ITGAX: variants seen among roughly 807,000 people sequenced by gnomAD.
The protein encoded by ITGAX is integrin alpha-X.
ITGAX carries 99 observed loss-of-function variants against 140.2 expected under a neutral mutation model. The observed-to-expected ratio is 0.71, with a 90% CI of 0.60 to 0.83. ITGAX has a LOEUF of 0.83. ITGAX is among the 40% of genes least tolerant of loss of function. The pLI, the probability that ITGAX is intolerant of heterozygous loss-of-function variation, is 0.00. For synonymous variants in ITGAX, 631 were observed against 600.4 expected (o/e 1.05, Z -0.75); for missense variants, 1,444 against 1,482.0 (o/e 0.97, Z 0.42).
At position 31,372,471 on chromosome 16, in the gene ITGAX, A is replaced by G. The variant is rs1181572709; in HGVS notation, c.2254A>G (p.Met752Val). Reference sequence around the variant, plus strand: ...CCTTGCCTTCAGAAACCTGCGGCCTATGCTGGCCGCCGATGCTCAGAGATA... The same window carrying G: ...CCTTGCCTTCAGAAACCTGCGGCCTGTGCTGGCCGCCGATGCTCAGAGATA... Reference protein sequence around the residue: ...PLLAFRNLRPMLAADAQRYFT... With the variant: ...PLLAFRNLRPVLAADAQRYFT... The change falls in exon 18 of 30, where the codon ATG becomes GTG. Residue 752 changes from methionine to valine, a missense_variant. Transcript: ENST00000268296. 12 of 1,607,922 alleles carry G rather than the reference A, an allele frequency of 7.5e-6. No homozygotes were observed. Among genetic ancestry groups the G allele is most frequent in the East Asian group, 2.2e-5 (1 of 44,842 alleles).
At chr16:31,375,507 G>A (rs1342299410) in intron 20 of ITGAX, among the ~76,000 whole-genome samples, 1 of 152,168 alleles carries the variant, frequency 6.6e-6, no homozygotes, top group African/African-American at 2.4e-5. Flanking sequence ...TATAGCAGCA[G>A]GGAACAGACA....
At chr16:31,379,930 G>A (rs188569620) in intron 25 of ITGAX, 52 bp from the exon 26 acceptor site, 41 of 1,608,458 alleles carry the variant, frequency 2.5e-5, no homozygotes, top group Non-Finnish European at 3.4e-5. Flanking sequence ...TGTGCCCCAT[G>A]TGGGTCCCTG....
Position 31,372,662 on chromosome 16 carries a change from C to T in ITGAX, c.2358C>T (p.Ser786=). Residue 786 remains serine (S), a synonymous_variant, in exon 19 of 30, where the codon AGC becomes AGT. Transcript: ENST00000268296. ...AGGACAATCTCGGCATCTCCTTCAG[C>T]TTCCCAGGGTGAGCGCCCCCACCTT... ...ICQDNLGISF[S]FPGLKSLLVG... is the part of the protein sequence containing the mutation. 1 of 1,613,990 alleles carries T rather than the reference C, an allele frequency of 6.2e-7. No homozygotes were observed. Among genetic ancestry groups the T allele is most frequent in the Non-Finnish European group, 8.5e-7 (1 of 1,179,886 alleles).
intron 28 of ITGAX, 51 bp downstream of exon 28, chr16:31,380,675 G>A: frequency 6.2e-7 from 1 of 1,606,372 alleles, no homozygotes; most frequent in South Asian, 1.1e-5. Flanking sequence ...GGCCCCTAGG[G>A]CTACATCTGT....
chr16:31,374,505 T>C (rs2081001641), intron 20 of ITGAX, among the ~76,000 whole-genome samples: 1 of 152,152 alleles, frequency 6.6e-6, no homozygotes, highest in Non-Finnish European at 1.5e-5. Context: ...AGTGGCACAA[T>C]TTCAGCTTAC....
Position 31,373,291 on chromosome 16 carries a change from A to G in ITGAX, c.2409A>G (p.Ala803=), listed in dbSNP as rs1459379926. Residue 803 remains alanine (A), a synonymous_variant, in exon 20 of 30, where the codon GCA becomes GCG. Transcript: ENST00000268296. ...TGGGGAGTAACCTGGAGCTGAACGCAGAAGTGATGGTGTGGAATGACGGGG... is the reference window on the plus strand; with the variant it reads ...TGGGGAGTAACCTGGAGCTGAACGCGGAAGTGATGGTGTGGAATGACGGGG... ...LLVGSNLELN[A]EVMVWNDGED... 18 of 1,613,792 alleles carry G rather than the reference A, an allele frequency of 1.1e-5. No individual in the cohort carries two copies. Among genetic ancestry groups the G allele is most frequent in the Admixed American group, 3.3e-5 (2 of 59,974 alleles).
rs1173204141 is a variant in ITGAX, at chr16:31,379,970, AT to A, written c.2977-8del. Reference sequence around the variant, plus strand: ...CCCAGCTGAGACACTTGTTCTCTGCATTTTCCCCCAGAACCCATCCCTTCGG... The same window carrying A: ...CCCAGCTGAGACACTTGTTCTCTGCATTTCCCCCAGAACCCATCCCTTCGG... On this transcript the variant is annotated splice_polypyrimidine_tract_variant and intron_variant, in intron 25 of 29. Coordinates refer to ENST00000268296, the MANE Select transcript of ITGAX (RefSeq NM_000887.5). The A allele has an allele frequency of 1.9e-6, 3 of 1,613,472 alleles. No individual in the cohort carries two copies. The African/African-American group carries it at 4.0e-5, about 22-fold the overall frequency.
intron 8 of ITGAX, 82 bp from the exon 9 acceptor site, chr16:31,360,981 G>T (rs945903224): frequency 7.6e-7 from 1 of 1,317,186 alleles, no homozygotes; most frequent in South Asian, 1.2e-5. Flanking sequence ...GATCTTGTGG[G>T]GTTATTGGAA....
Position 31,363,470 on chromosome 16 carries a change from C to A in ITGAX, c.1710+96C>A, listed in dbSNP as rs970217419. On this transcript the variant is annotated intron_variant, in intron 14 of 29. Coordinates refer to ENST00000268296, the MANE Select transcript of ITGAX (RefSeq NM_000887.5). ...AACTGTCCCTTTTTACCTTTTCCTACCTCCCTTGCCCAGCTCTGAGCACCT... is the reference window on the plus strand; with the variant it reads ...AACTGTCCCTTTTTACCTTTTCCTAACTCCCTTGCCCAGCTCTGAGCACCT... The A allele has an allele frequency of 7.3e-6, 10 of 1,372,406 alleles. No individual in the cohort carries two copies. The African/African-American group carries it at 1.1e-4, about 16-fold the overall frequency. 85.0% of individuals were successfully genotyped at this position (1,372,406 alleles called of 1,614,324 possible).
In ITGAX at chr16:31,361,818, C is replaced by T. The variant is rs546463669; in HGVS notation, c.1013-18C>T. 57 of 1,613,612 alleles carry T rather than the reference C, an allele frequency of 3.5e-5. No homozygotes were observed. The highest frequency in any genetic ancestry group is 1.7e-4 in the Middle Eastern group (1 of 6,058). The stretch of plus-strand genomic sequence containing the variant: ...CCCGTCTCCCTCCCTGGCACTCAAG[C>T]GTCATGCCTTCCCCCAGGTACGGAG... On this transcript the variant is annotated intron_variant, in intron 9 of 29. Coordinates refer to ENST00000268296, the MANE Select transcript of ITGAX (RefSeq NM_000887.5).
intron 19 of ITGAX, among the ~76,000 whole-genome samples, chr16:31,372,936 C>CAACAA (rs1207986116): frequency 6.6e-6 from 1 of 151,606 alleles, no homozygotes; most frequent in East Asian, 2.0e-4. Flanking sequence ...ACAACAACAA[C>CAACAA]AACAACATCA....
chr16:31,375,003 C>T (rs1419015004), intron 20 of ITGAX, among the ~76,000 whole-genome samples: 1 of 150,242 alleles, frequency 6.7e-6, no homozygotes, highest in Non-Finnish European at 1.5e-5. Context: ...CTTTCTTTTT[C>T]TTTCTTTCTT....
chr16:31,376,718 T>C, intron 20 of ITGAX, 81 bp from the exon 21 acceptor site: 1 of 1,286,232 alleles, frequency 7.8e-7, no homozygotes, highest in Non-Finnish European at 1.1e-6. Flanking sequence ...TGCTGTTATA[T>C]TAGGTTGGTG....
chr16:31,373,242 T>A lies in ITGAX; in HGVS notation c.2367-7T>A. The stretch of plus-strand genomic sequence containing the variant: ...TCATCTTCTCCTTTCCTTCACCTGA[T>A]ACCCAGCTTGAAGTCCCTGCTGGTG... On this transcript the variant is annotated splice_region_variant and splice_polypyrimidine_tract_variant and intron_variant, in intron 19 of 29. Transcript: ENST00000268296. 1 of 1,597,946 alleles carries A rather than the reference T, an allele frequency of 6.3e-7. No homozygotes were observed. The highest frequency in any genetic ancestry group is 8.5e-7 in the Non-Finnish European group (1 of 1,170,298).
chr16:31,382,476 T>A lies in ITGAX; in HGVS notation c.*569T>A, dbSNP rs1427939110. 6.6e-7 allele frequency: 1 copy of A among 1,523,220 alleles called. No individual in the cohort carries two copies. Among genetic ancestry groups the A allele is most frequent in the African/African-American group, 1.4e-5 (1 of 72,748 alleles). The allele number at this position is 1,523,220 out of a possible 1,614,324, so 94.4% of individuals were successfully genotyped here. ...CCACCTGTCTTCAACAGCTCCCCAT[T>A]ACCCTCAGGACAATGTCTGAACTCT... On this transcript the variant is annotated 3_prime_UTR_variant, in exon 30 of 30. Transcript: ENST00000268296.
intron 2 of ITGAX, chr16:31,356,210 G>T: frequency 1.9e-6 from 1 of 515,270 alleles, no homozygotes; most frequent in Non-Finnish European, 3.4e-6. Flanking sequence ...ATCACAGGTG[G>T]ATGCTGATTT....
rs1178538816 is a variant in ITGAX at position 31,359,821 on chromosome 16, C to T, written c.552C>T (p.Pro184=). ...CTGTGATAAGCCAGTTCCAGAGACC[C>T]AGCACCCAGGTGTGCCTTTGGGGGA... is the stretch of plus-strand genomic sequence containing the variant. ...VRAVISQFQR[P]STQFSLMQFS... The change falls in exon 6 of 30, where the codon CCC becomes CCT. Residue 184 remains proline (P), a synonymous_variant. Transcript: ENST00000268296. 6.2e-7 allele frequency: 1 copy of T among 1,614,144 alleles called. No homozygotes were observed. The highest frequency in any genetic ancestry group is 1.1e-5 in the South Asian group (1 of 91,080).
chr16:31,378,205 G>A (rs760251659), intron 23 of ITGAX, among the ~76,000 whole-genome samples: 18 of 152,206 alleles, frequency 1.2e-4, no homozygotes, highest in South Asian at 2.1e-4. Flanking sequence ...AAGGGCCCCC[G>A]GGGAGGTATG....
At position 31,355,266 on chromosome 16, in the gene ITGAX, C is replaced by G. The variant is rs2080746156; in HGVS notation, c.12C>G (p.Thr4=). ...CTGACCTTCTAGTCATGACCAGGAC[C>G]AGGGCAGCACTCCTCCTGTTCACAG... MTR[T]RAALLLFTAL... Residue 4 remains threonine, a synonymous_variant, in exon 1 of 30, where the codon ACC becomes ACG. Transcript: ENST00000268296. 1.9e-6 allele frequency: 3 copies of G among 1,613,744 alleles called. No homozygotes were observed. Among genetic ancestry groups the G allele is most frequent in the Admixed American group, 1.7e-5 (1 of 60,000 alleles).
Sources: allele counts gnomAD v4.1 joint callset (sites outside exome capture counted in the v4.1 genomes callset), GRCh38; gene constraint gnomAD v4.1.1; transcripts MANE v1.5; gene names NCBI Gene and HGNC (gene_info 2026-07-23, HGNC 2026-07-21).